The following ASAP2 variants were observed in gnomAD, a reference collection of about 807,000 sequenced individuals.
ASAP2 encodes the protein ArfGAP with SH3 domain, ankyrin repeat and PH domain 2.
Under a neutral mutation model 131.4 loss-of-function variants are expected in ASAP2, and 45 were observed. The ratio of observed to expected loss-of-function variants is 0.34; its 90% CI spans 0.27 to 0.44. ASAP2 has a LOEUF of 0.44. Ranked by LOEUF, ASAP2 falls within the 20% of genes least tolerant of loss-of-function variation. ASAP2 has a pLI of 1.00. For missense variants in ASAP2, 1,011 were observed against 1,297.0 expected, an observed-to-expected ratio of 0.78 and a Z score of 3.39; for synonymous variants, 510 against 503.0, an observed-to-expected ratio of 1.01 and a Z score of -0.19.
chr2:9,403,493 T>C lies in ASAP2; in HGVS notation c.*166T>C. On this transcript the variant is annotated 3_prime_UTR_variant, in exon 28 of 28. Coordinates refer to ENST00000281419, the MANE Select transcript of ASAP2 (RefSeq NM_003887.3). ...GAGGCAATTTTTACATATCAGTAATTGTTTTTATAATTTGTGGTTTTCATG... is the reference window on the plus strand; with the variant it reads ...GAGGCAATTTTTACATATCAGTAATCGTTTTTATAATTTGTGGTTTTCATG... 1 of 589,794 alleles carries C rather than the reference T, an allele frequency of 1.7e-6. No individual in the cohort carries two copies. Among genetic ancestry groups the C allele is most frequent in the South Asian group, 2.4e-5 (1 of 42,068 alleles). The allele number at this position is 589,794 out of a possible 1,614,324, so 36.5% of individuals were successfully genotyped here.
In ASAP2 at chr2:9,207,361, G is replaced by T. The variant is rs907652588; in HGVS notation, c.126+131G>T. On this transcript the variant is annotated intron_variant, in intron 1 of 27. Coordinates refer to ENST00000281419, the MANE Select transcript of ASAP2 (RefSeq NM_003887.3). This position sits in a 1 kb window ranked among gnomAD's most constrained non-coding sequence, Gnocchi z 4.1. ...GGACGCGGCCGGGCCAACCCTGCCC[G>T]AGACAGAAGCCCTTTGTTCCCGCCT... is the stretch of plus-strand genomic sequence containing the variant. The T allele has an allele frequency of 8.1e-5, 104 of 1,276,918 alleles. No homozygotes were observed. The highest frequency in any genetic ancestry group is 7.1e-4 in the Admixed American group (23 of 32,438). 79.1% of individuals were successfully genotyped at this position (1,276,918 alleles called of 1,614,324 possible). A position where few individuals can be genotyped will look rare whatever the true frequency, so the allele number is the denominator to read the frequency against.
rs375938605 is a variant in ASAP2, at chr2:9,309,103, C to T, written c.346-9421C>T. On this transcript the variant is annotated intron_variant, in intron 3 of 27. Coordinates refer to ENST00000281419, the MANE Select transcript of ASAP2 (RefSeq NM_003887.3). ...TCTGCCCCGCCTCCTTTGCGCTCTG[C>T]TCCAAGACCACCTTATAAAAAGGCC... Among the ~76,000 whole-genome samples the T allele has an allele frequency of 1.1e-4, 16 of 152,268 alleles. No homozygotes were observed. The East Asian group carries it at 2.1e-3, about 20-fold the overall frequency.
intron 1 of ASAP2, among the ~76,000 whole-genome samples, chr2:9,270,845 T>A (rs1423537232): frequency 7.7e-6 from 1 of 129,414 alleles, no homozygotes; most frequent in East Asian, 2.4e-4. Flanking sequence ...CAGGCTGGAG[T>A]GCAGTGGCGC....
chr2:9,272,117 T>C (rs1462697703), intron 1 of ASAP2, among the ~76,000 whole-genome samples: 1 of 152,154 alleles, frequency 6.6e-6, no homozygotes, highest in African/African-American at 2.4e-5. Flanking sequence ...TATTTTTAGT[T>C]TTTTGAGGAA....
intron 4 of ASAP2, among the ~76,000 whole-genome samples, chr2:9,319,606 A>T (rs1416269468): frequency 6.6e-6 from 1 of 152,256 alleles, no homozygotes; most frequent in South Asian, 2.1e-4. Flanking sequence ...CTTGTGTGCC[A>T]GGCTGTGGCA....
At chr2:9,287,111 A>G (rs933146074) in intron 2 of ASAP2, among the ~76,000 whole-genome samples, 2 of 152,262 alleles carry the variant, frequency 1.3e-5, no homozygotes, top group Non-Finnish European at 2.9e-5. Flanking sequence ...ATTCAAAACC[A>G]GGTGAGCGTC....
In ASAP2 at chr2:9,214,862, G is replaced by C. The variant is rs959599002; in HGVS notation, c.126+7632G>C. 5.3e-5 allele frequency among the ~76,000 whole-genome samples: 8 copies of C among 151,312 alleles called. No individual in the cohort carries two copies. The East Asian group carries it at 9.7e-4, about 18-fold the overall frequency. On this transcript the variant is annotated intron_variant, in intron 1 of 27. Transcript: ENST00000281419. ...AGTCTCATGTTTTATGTGCAGTTCT[G>C]TTTCATCCTTTTAACCTTGTTTGTG...
At chr2:9,286,437 G>GAA (rs556978805) in intron 2 of ASAP2, among the ~76,000 whole-genome samples, 128 of 128,924 alleles carry the variant, frequency 9.9e-4, no homozygotes, top group African/African-American at 2.4e-3. Flanking sequence ...TTTAAAAAAG[G>GAA]AAAAAAAAAA....
At chr2:9,221,903 C>T (rs1464249907) in intron 1 of ASAP2, among the ~76,000 whole-genome samples, 1 of 152,184 alleles carries the variant, frequency 6.6e-6, no homozygotes, top group South Asian at 2.1e-4. Context: ...ACGCCATTCT[C>T]CTGCCTCAGC....
chr2:9,230,318 G>A (rs1363680476), intron 1 of ASAP2, among the ~76,000 whole-genome samples: 1 of 152,168 alleles, frequency 6.6e-6, no homozygotes, highest in Non-Finnish European at 1.5e-5. Flanking sequence ...GACCAGTGTT[G>A]GGGACCCAGA....
chr2:9,375,849 C>T (rs766672524), intron 17 of ASAP2, among the ~76,000 whole-genome samples: 1 of 152,220 alleles, frequency 6.6e-6, no homozygotes, highest in Non-Finnish European at 1.5e-5. Context: ...TTCCCTGGAA[C>T]CCACACCCCA....
At chr2:9,372,889 G>A (rs1055021735) in intron 16 of ASAP2, among the ~76,000 whole-genome samples, 2 of 152,110 alleles carry the variant, frequency 1.3e-5, no homozygotes. Flanking sequence ...GGGGGAAACC[G>A]GAGTGCCCAG....
chr2:9,264,166 T>G (rs999162717), intron 1 of ASAP2, among the ~76,000 whole-genome samples: 2 of 148,010 alleles, frequency 1.4e-5, no homozygotes, highest in African/African-American at 5.1e-5. Context: ...CACTCCACCC[T>G]GGGCAGTGAG....
At chr2:9,382,347 A>T (rs1425172049) in intron 20 of ASAP2, among the ~76,000 whole-genome samples, 1 of 152,122 alleles carries the variant, frequency 6.6e-6, no homozygotes, top group Non-Finnish European at 1.5e-5. Flanking sequence ...CATTTTACAG[A>T]TGAGGACACA....
intron 9 of ASAP2, among the ~76,000 whole-genome samples, chr2:9,344,060 T>C (rs1261464222): frequency 1.3e-5 from 2 of 152,224 alleles, no homozygotes; most frequent in Admixed American, 6.5e-5. Context: ...TTACTGGGTA[T>C]TCTTTTCTTA....
chr2:9,308,128 CAT>C lies in ASAP2; in HGVS notation c.346-10390_346-10389del, dbSNP rs1192482972. 5.3e-5 allele frequency among the ~76,000 whole-genome samples: 8 copies of C among 152,284 alleles called. No individual in the cohort carries two copies. In the South Asian group the frequency reaches 1.7e-3, roughly 32 times the overall value. Reference sequence around the variant, plus strand: ...GAGACTGGGTAACATATATATAACACATATATAACACACACATATATAACATA... The same window carrying C: ...GAGACTGGGTAACATATATATAACACATATAACACACACATATATAACATA... On this transcript the variant is annotated intron_variant, in intron 3 of 27. Transcript: ENST00000281419.
chr2:9,283,032 G>A (rs146751355), intron 2 of ASAP2, among the ~76,000 whole-genome samples: 1 of 151,542 alleles, frequency 6.6e-6, no homozygotes, highest in African/African-American at 2.4e-5. Context: ...AGCTCTCTTT[G>A]ACTTCAGCGT....
intron 1 of ASAP2, among the ~76,000 whole-genome samples, chr2:9,245,600 C>G (rs2148105413): frequency 6.6e-6 from 1 of 152,252 alleles, no homozygotes; most frequent in East Asian, 1.9e-4. Context: ...AAAAGAGCAC[C>G]ACTCTTTCTC....
chr2:9,390,186 C>T (rs951539308), intron 22 of ASAP2, among the ~76,000 whole-genome samples: 1 of 152,170 alleles, frequency 6.6e-6, no homozygotes, highest in African/African-American at 2.4e-5. Context: ...GTAGGTCATA[C>T]CCCTTACCTG....
Sources: allele counts gnomAD v4.1 joint callset (sites outside exome capture counted in the v4.1 genomes callset), GRCh38; gene constraint gnomAD v4.1.1; non-coding constraint Gnocchi (gnomAD v3.1); transcripts MANE v1.5; gene names NCBI Gene and HGNC (gene_info 2026-07-23, HGNC 2026-07-21).